The following POLE variants were observed in gnomAD, a reference collection of about 807,000 sequenced individuals.
POLE encodes the protein DNA polymerase epsilon catalytic subunit A.
POLE carries 188 observed loss-of-function variants against 279.2 expected under a neutral mutation model. That is an observed-to-expected ratio of 0.67 (90% CI 0.60 to 0.76). POLE has a LOEUF of 0.76. POLE is among the 30% of genes least tolerant of loss of function. The pLI, the probability that POLE is intolerant of heterozygous loss-of-function variation, is 0.00. For missense variants in POLE, 2,703 were observed against 3,016.7 expected (o/e 0.90, Z 2.44); for synonymous variants, 1,214 against 1,172.5 (o/e 1.04, Z -0.72).
rs750902578 is a variant in POLE at position 132,649,735 on chromosome 12, G to T, written c.3737C>A (p.Thr1246Lys). The change falls in exon 30 of 49, where the codon ACG becomes AAG. Residue 1246 changes from threonine (T) to lysine (K), a missense_variant. Thr to Lys is a moderately conservative substitution (Grantham distance 78). Transcript: ENST00000320574. ...WESQEESQDL[T>K]PTVPWQEILG... ...GATTTCCTGCCAGGGCACAGTCGGC[G>T]TGAGGTCCTGGGACTCCTCCTGGCT... The T allele has an allele frequency of 1.2e-6, 2 of 1,614,212 alleles. No homozygotes were observed. Among genetic ancestry groups the T allele is most frequent in the South Asian group, 2.2e-5 (2 of 91,088 alleles).
chr12:132,635,974 C>A lies in POLE; in HGVS notation c.5729G>T (p.Cys1910Phe), dbSNP rs1005194290. The change falls in exon 42 of 49, where the codon TGC (cysteine) becomes TTC (phenylalanine). Residue 1910 changes from cysteine (C) to phenylalanine (F), a missense_variant. This residue lies in a region of POLE where 1,551 missense variants were observed against 1,686.1 expected (regional missense o/e 0.92). Coordinates refer to ENST00000320574, the MANE Select transcript of POLE (RefSeq NM_006231.4). ...FHSLTISFSRCWEFLLWMDPS... is the reference protein window; with the variant it reads ...FHSLTISFSRFWEFLLWMDPS... ...ATCCATCCAGAGAAGAAATTCCCAG[C>A]ATCGAGAGAAAGAAATTGTCAGAGA... 1 of 1,614,008 alleles carries A rather than the reference C, an allele frequency of 6.2e-7. No homozygotes were observed. The highest frequency in any genetic ancestry group is 8.5e-7 in the Non-Finnish European group (1 of 1,179,908).
chr12:132,635,017 AC>A (rs2138479231), intron 42 of POLE, among the ~76,000 whole-genome samples: 1 of 152,184 alleles, frequency 6.6e-6, no homozygotes, highest in South Asian at 2.1e-4. Flanking sequence ...CTGCGTCCTT[AC>A]AAAGGGCTTT....
At chr12:132,630,384 T>C (rs2041913421) in intron 45 of POLE, among the ~76,000 whole-genome samples, 1 of 152,076 alleles carries the variant, frequency 6.6e-6, no homozygotes, top group Admixed American at 6.5e-5. Flanking sequence ...TGTATAAAAA[T>C]TAACTCAAAT....
In POLE at chr12:132,675,107, T is replaced by C. The variant is rs897075770; in HGVS notation, c.1226+291A>G. 9.2e-5 allele frequency among the ~76,000 whole-genome samples: 14 copies of C among 152,174 alleles called. 1 individual carries two copies. The highest frequency in any genetic ancestry group is 2.9e-5 in the Non-Finnish European group (2 of 68,024). ...ACCTTGCCTGGGCAGAGCAGCTCCATGAGGTCCTAGGTCTGGGACCTGTCA... is the reference window on the plus strand; with the variant it reads ...ACCTTGCCTGGGCAGAGCAGCTCCACGAGGTCCTAGGTCTGGGACCTGTCA... On this transcript the variant is annotated intron_variant, in intron 12 of 48. Transcript: ENST00000320574. This position sits in a 1 kb window ranked among gnomAD's most constrained non-coding sequence, Gnocchi z 4.3.
chr12:132,670,484 G>A (rs1214308334), intron 16 of POLE, among the ~76,000 whole-genome samples: 3 of 145,578 alleles, frequency 2.1e-5, no homozygotes, highest in Non-Finnish European at 4.5e-5. Context: ...CCTGACCTCA[G>A]GTGATCCACC....
chr12:132,671,678 G>GAAAAAAAAAAAAAAAAAAAAAAAAAAA (rs59237637), intron 16 of POLE, among the ~76,000 whole-genome samples: 2 of 72,544 alleles, frequency 2.8e-5, no homozygotes, highest in Non-Finnish European at 4.9e-5. Flanking sequence ...CTCAAAAAGG[G>GAAAAAAAAAAAAAAAAAAAAAAAAAAA]AAAAAAAAAA....
chr12:132,636,077 ACT>A, intron 41 of POLE, 53 bp from the exon 42 acceptor site: 1 of 1,573,838 alleles, frequency 6.4e-7, no homozygotes. Flanking sequence ...CTTGTTCTCA[ACT>A]TTCCTTTATT....
intron 41 of POLE, among the ~76,000 whole-genome samples, chr12:132,637,188 T>A (rs183821910): frequency 6.6e-6 from 1 of 152,206 alleles, no homozygotes; most frequent in Non-Finnish European, 1.5e-5. Context: ...ATCCAGTGCA[T>A]ATGGTTTGAT....
intron 1 of POLE, among the ~76,000 whole-genome samples, chr12:132,686,110 C>T (rs984217543): frequency 6.6e-6 from 1 of 152,074 alleles, no homozygotes; most frequent in Admixed American, 6.5e-5. Context: ...CTCCTGACCT[C>T]AGGTGATCCT....
At position 132,624,416 on chromosome 12, in the gene POLE, A is replaced by G. The variant is rs896691048; in HGVS notation, c.*281T>C. 3.1e-5 allele frequency: 16 copies of G among 520,016 alleles called. No individual in the cohort carries two copies. The highest frequency in any genetic ancestry group is 2.8e-4 in the African/African-American group (15 of 52,682). 32.2% of individuals were successfully genotyped at this position (520,016 alleles called of 1,614,324 possible). On this transcript the variant is annotated 3_prime_UTR_variant, in exon 49 of 49. Transcript: ENST00000320574. ...GCAACAGAGGCCTGGAAAAGCATTC[A>G]CTGCGTGAGAAACGGCGCCCAGGGC...
In POLE at chr12:132,661,731, A is replaced by T; in HGVS notation, c.2707-47T>A. The T allele has an allele frequency of 6.3e-7, 1 of 1,590,996 alleles. No homozygotes were observed. The highest frequency in any genetic ancestry group is 8.6e-7 in the Non-Finnish European group (1 of 1,164,714). On this transcript the variant is annotated intron_variant, in intron 23 of 48. Transcript: ENST00000320574. This position sits in a 1 kb window ranked among gnomAD's most constrained non-coding sequence, Gnocchi z 4.1. ...GGGGCAGCTTCACTCATGATGGCCC[A>T]AACCTGGAAACCACCTGGTGTCCCT...
At chr12:132,653,119 C>T (rs540838422) in intron 29 of POLE, among the ~76,000 whole-genome samples, 6 of 152,272 alleles carry the variant, frequency 3.9e-5, no homozygotes, top group Non-Finnish European at 8.8e-5. Context: ...GTGGCTCACA[C>T]CTGTAATCCC....
rs373790607 is a variant in POLE at position 132,668,626 on chromosome 12, G to A, written c.2026+9C>T. ...CCACCGAGTGCCCACCCAGGCGGCC[G>A]ACACTCACTGAACTCGCCCCTCCAC... On this transcript the variant is annotated intron_variant, in intron 18 of 48. Transcript: ENST00000320574. The surrounding 1 kb of genome is among the most constrained non-coding windows in gnomAD (Gnocchi z 4.0). 820 of 1,607,200 alleles carry A rather than the reference G, an allele frequency of 5.1e-4. 2 individuals are homozygous for A. Among genetic ancestry groups the A allele is most frequent in the South Asian group, 1.3e-3 (120 of 90,872 alleles).
rs869312621 is a variant in POLE, at chr12:132,677,735, A to G, written c.579-16T>C. The G allele has an allele frequency of 2.5e-5, 41 of 1,612,384 alleles. 1 individual carries two copies. Among genetic ancestry groups the G allele is most frequent in the Non-Finnish European group, 3.1e-5 (36 of 1,178,956 alleles). ...CTGCAGAACACTAGGAATTAACAAG[A>G]GAGCAACTAACTCAGCTGCCAGGGT... On this transcript the variant is annotated splice_polypyrimidine_tract_variant and intron_variant, in intron 6 of 48. Transcript: ENST00000320574.
At chr12:132,647,191 T>A (rs75125919) in intron 32 of POLE, among the ~76,000 whole-genome samples, 1,727 of 152,140 alleles carry the variant, frequency 0.011, 35 homozygotes, top group African/African-American at 0.04. Flanking sequence ...TGTTAAAACA[T>A]TAAACACTGA....
At chr12:132,643,583 C>A (rs768949031) in intron 33 of POLE, 23 bp from the exon 34 acceptor site, 3 of 1,613,672 alleles carry the variant, frequency 1.9e-6, no homozygotes, top group Non-Finnish European at 2.5e-6. Flanking sequence ...GGCAGACAGG[C>A]CGGCAAGGGC....
In POLE at chr12:132,649,605, A is replaced by G. The variant is rs2042372360; in HGVS notation, c.3795+72T>C. 5 of 1,600,196 alleles carry G rather than the reference A, an allele frequency of 3.1e-6. No individual in the cohort carries two copies. In the Admixed American group the frequency reaches 6.7e-5, roughly 21 times the overall value. The stretch of plus-strand genomic sequence containing the variant: ...CTCACAAGCAGCCTCCCTAGGGGTC[A>G]GGACGCATCTCGGGCTCCCTGGGCT... On this transcript the variant is annotated intron_variant, in intron 30 of 48. Transcript: ENST00000320574.
chr12:132,673,340 G>T, intron 13 of POLE, 63 bp from the exon 14 acceptor site: 1 of 1,274,664 alleles, frequency 7.8e-7, no homozygotes, highest in Non-Finnish European at 1.1e-6. Context: ...CAAGTGTGAA[G>T]CACAGAAAGC....
intron 6 of POLE, 146 bp from the exon 7 acceptor site, chr12:132,677,865 G>C: frequency 1.3e-6 from 1 of 762,940 alleles, no homozygotes; most frequent in Non-Finnish European, 2.1e-6. Context: ...AACGACCAAG[G>C]CAGTCCTTCC....
Sources: allele counts gnomAD v4.1 joint callset (sites outside exome capture counted in the v4.1 genomes callset), GRCh38; gene constraint gnomAD v4.1.1; regional missense constraint gnomAD v4.1.1; non-coding constraint Gnocchi (gnomAD v3.1); transcripts MANE v1.5; gene names NCBI Gene and HGNC (gene_info 2026-07-23, HGNC 2026-07-21).